The following ARMC9 variants were observed in gnomAD, a reference collection of about 807,000 sequenced individuals.
The protein encoded by ARMC9 is armadillo repeat containing 9, also known as lisH domain-containing protein ARMC9.
Under a neutral mutation model 107.0 loss-of-function variants are expected in ARMC9, and 94 were observed. That is an observed-to-expected ratio of 0.88 (90% CI 0.74 to 1.04). The LOEUF (loss-of-function observed/expected upper bound fraction) is 1.04. ARMC9 is among the 50% of genes least tolerant of loss of function. The probability of loss-of-function intolerance (pLI) is 0.00; values close to 1 mark genes in which losing one functional copy is unlikely to be tolerated. For synonymous variants in ARMC9, 380 were observed against 396.9 expected (o/e 0.96, Z 0.51); for missense variants, 942 against 1,030.1 (o/e 0.91, Z 1.17).
At position 231,255,981 on chromosome 2, in the gene ARMC9, G is replaced by A. The variant is rs1324271615; in HGVS notation, c.880-605G>A. ...CGTGAACCCGGTAGGCGGAGGTTGC[G>A]GTGAGCCAAGATTGCGCCACTGCTC... On this transcript the variant is annotated intron_variant, in intron 9 of 24. Coordinates refer to ENST00000611582, the MANE Select transcript of ARMC9 (RefSeq NM_001352754.2). The surrounding 1 kb of genome is among the most constrained non-coding windows in gnomAD (Gnocchi z 4.7). 1.3e-5 allele frequency: 13 copies of A among 1,027,376 alleles called. No homozygotes were observed. Among genetic ancestry groups the A allele is most frequent in the African/African-American group, 8.2e-5 (5 of 61,026 alleles). 63.6% of individuals were successfully genotyped at this position (1,027,376 alleles called of 1,614,324 possible). A position where few individuals can be genotyped will look rare whatever the true frequency, so the allele number is the denominator to read the frequency against.
intron 19 of ARMC9, among the ~76,000 whole-genome samples, chr2:231,317,947 A>G (rs1461492716): frequency 6.6e-6 from 1 of 151,706 alleles, no homozygotes; most frequent in Non-Finnish European, 1.5e-5. Context: ...GAGCATATTT[A>G]TAATAGCTGC....
rs200124585 is a variant in ARMC9, at chr2:231,240,132, A to T, written c.879+91A>T. ...TTTAAAAATAGCATGAAAAAATAAC[A>T]TGCAAGAGGCTGCATTTAAGCTGGC... On this transcript the variant is annotated intron_variant, in intron 9 of 24. Coordinates refer to ENST00000611582, the MANE Select transcript of ARMC9 (RefSeq NM_001352754.2). 284 of 1,096,362 alleles carry T rather than the reference A, an allele frequency of 2.6e-4. 2 individuals are homozygous for T. The Middle Eastern group carries it at 4.2e-3, about 16-fold the overall frequency. The allele number at this position is 1,096,362 out of a possible 1,614,324, so 67.9% of individuals were successfully genotyped here.
chr2:231,332,332 G>T (rs1466219825), intron 20 of ARMC9, among the ~76,000 whole-genome samples: 1 of 152,194 alleles, frequency 6.6e-6, no homozygotes, highest in Non-Finnish European at 1.5e-5. Context: ...GAGAGAGAGT[G>T]GGGGCTGAGC....
chr2:231,256,192 G>A (rs1242396963), intron 9 of ARMC9: 1 of 1,534,448 alleles, frequency 6.5e-7, no homozygotes, highest in Admixed American at 2.0e-5. Flanking sequence ...AGGTGCGCGT[G>A]GAATTCATGG....
chr2:231,344,395 T>C (rs1264468062), intron 20 of ARMC9, among the ~76,000 whole-genome samples: 1 of 152,226 alleles, frequency 6.6e-6, no homozygotes, highest in Admixed American at 6.5e-5. Flanking sequence ...AGTTGGTCTT[T>C]TTTGTTTCTT....
chr2:231,359,825 T>G (rs2045495297), intron 22 of ARMC9, among the ~76,000 whole-genome samples: 1 of 152,176 alleles, frequency 6.6e-6, no homozygotes, highest in African/African-American at 2.4e-5. Context: ...AGAAATAGAT[T>G]CTCGTTTGGG....
chr2:231,353,357 T>G (rs2045187348), intron 21 of ARMC9, among the ~76,000 whole-genome samples: 1 of 124,128 alleles, frequency 8.1e-6, no homozygotes, highest in Admixed American at 7.2e-5. Context: ...CGGCTATTTT[T>G]TTGTATTTTT....
rs1050063095 is a variant in ARMC9 at position 231,290,549 on chromosome 2, G to T, written c.1627-804G>T. ...CACTTTCCCCTCACAGTGGTTAGAG[G>T]CCTCGTCAGCTCAAGCTGTATGGAC... On this transcript the variant is annotated intron_variant, in intron 17 of 24. Transcript: ENST00000611582. Among the ~76,000 whole-genome samples, 22 of 152,278 alleles carry T rather than the reference G, an allele frequency of 1.4e-4. 1 individual carries two copies. Among genetic ancestry groups the T allele is most frequent in the East Asian group, 1.3e-3 (7 of 5,186 alleles).
Position 231,375,364 on chromosome 2 carries a change from G to A in ARMC9, c.*3829G>A, listed in dbSNP as rs1276733153. Among the ~76,000 whole-genome samples, 1 of 152,202 alleles carries A rather than the reference G, an allele frequency of 6.6e-6. No individual in the cohort carries two copies. The highest frequency in any genetic ancestry group is 1.5e-5 in the Non-Finnish European group (1 of 68,044). On this transcript the variant is annotated 3_prime_UTR_variant, in exon 25 of 25. Transcript: ENST00000611582. This position sits in a 1 kb window ranked among gnomAD's most constrained non-coding sequence, Gnocchi z 4.3. ...CACTATTCTCCCATTGTCCAAAGCAGACCACATGGCCAAGGCCCAAGTCTG... is the reference window on the plus strand; with the variant it reads ...CACTATTCTCCCATTGTCCAAAGCAAACCACATGGCCAAGGCCCAAGTCTG...
intron 17 of ARMC9, among the ~76,000 whole-genome samples, chr2:231,286,046 A>G (rs2040566766): frequency 6.6e-6 from 1 of 152,190 alleles, no homozygotes; most frequent in African/African-American, 2.4e-5. Flanking sequence ...CCACCTTGAC[A>G]TCTGATCGTG....
intron 2 of ARMC9, 69 bp downstream of exon 2, chr2:231,206,358 C>A (rs1325245915): frequency 1.5e-6 from 2 of 1,326,506 alleles, no homozygotes; most frequent in Non-Finnish European, 2.1e-6. Flanking sequence ...TAAAATGCAA[C>A]AAACTATTTA....
rs939838582 is a variant in ARMC9, at chr2:231,368,293, C to T, written c.2262-1660C>T. Among the ~76,000 whole-genome samples the T allele has an allele frequency of 2.0e-5, 3 of 152,122 alleles. 1 individual carries two copies. In the South Asian group the frequency reaches 6.2e-4, roughly 31 times the overall value. On this transcript the variant is annotated intron_variant, in intron 23 of 24. Transcript: ENST00000611582. ...CCAGTTCCCTGGTCAGATAGCCCCG[C>T]GTATCTGTGAACTCATCCCATCAGG...
intron 17 of ARMC9, among the ~76,000 whole-genome samples, chr2:231,282,399 A>G (rs2040283826): frequency 1.3e-5 from 2 of 152,244 alleles, no homozygotes; most frequent in African/African-American, 4.8e-5. Flanking sequence ...GCAAAGTTAT[A>G]GACATTCTGA....
intron 19 of ARMC9, among the ~76,000 whole-genome samples, chr2:231,306,474 G>A (rs2042040091): frequency 1.3e-5 from 2 of 152,058 alleles, no homozygotes; most frequent in African/African-American, 4.8e-5. Flanking sequence ...CAGTATAATG[G>A]CCAAATCGAT....
At position 231,256,614 on chromosome 2, in the gene ARMC9, C is replaced by T; in HGVS notation, c.908C>T (p.Ala303Val). ...TASTMLRASLAPVKLKDVPLL... is the reference protein window; with the variant it reads ...TASTMLRASLVPVKLKDVPLL... ...TCCACCATGTTACGAGCCTCCTTGG[C>T]ACCCGTGTAAGTAACTGCTCTTAGG... The change falls in exon 10 of 25, where the codon GCA becomes GTA. Residue 303 changes from alanine (A) to valine (V), a missense_variant. Transcript: ENST00000611582. The T allele has an allele frequency of 6.2e-7, 1 of 1,613,982 alleles. No individual in the cohort carries two copies. Among genetic ancestry groups the T allele is most frequent in the South Asian group, 1.1e-5 (1 of 91,074 alleles).
At chr2:231,295,035 G>C (rs1229693607) in intron 18 of ARMC9, 1 of 152,224 alleles carries the variant, frequency 6.6e-6, no homozygotes, top group African/African-American at 2.4e-5. Context: ...TCCCTCCTGG[G>C]AATGGTTTGG....
At chr2:231,303,278 G>A (rs1197770225) in intron 19 of ARMC9, among the ~76,000 whole-genome samples, 1 of 152,144 alleles carries the variant, frequency 6.6e-6, no homozygotes, top group Non-Finnish European at 1.5e-5. Flanking sequence ...AGGATTTTCT[G>A]TATAACAAGA....
chr2:231,241,814 T>C (rs2036325702), intron 9 of ARMC9, among the ~76,000 whole-genome samples: 1 of 151,944 alleles, frequency 6.6e-6, no homozygotes, highest in African/African-American at 2.4e-5. Flanking sequence ...AAAATGCATA[T>C]GCTGTGAGCT....
rs183712387 is a variant in ARMC9, at chr2:231,323,568, A to T, written c.1774-8225A>T. Reference sequence around the variant, plus strand: ...CTCTCTCCCCTCCCAAGCCCTAAGGATGCCTCCGTTCCCTTTTCGCCGGTT... The same window carrying T: ...CTCTCTCCCCTCCCAAGCCCTAAGGTTGCCTCCGTTCCCTTTTCGCCGGTT... On this transcript the variant is annotated intron_variant, in intron 19 of 24. Transcript: ENST00000611582. 6.4e-3 allele frequency among the ~76,000 whole-genome samples: 977 copies of T among 152,238 alleles called. 14 individuals carry two copies. The highest frequency in any genetic ancestry group is 0.027 in the Middle Eastern group (8 of 294).
Sources: allele counts gnomAD v4.1 joint callset (sites outside exome capture counted in the v4.1 genomes callset), GRCh38; gene constraint gnomAD v4.1.1; non-coding constraint Gnocchi (gnomAD v3.1); transcripts MANE v1.5; gene names NCBI Gene and HGNC (gene_info 2026-07-23, HGNC 2026-07-21).